Variants in DLG5 observed in about 807,000 individuals in gnomAD.
The protein encoded by DLG5 is disks large homolog 5.
Under a neutral mutation model 189.8 loss-of-function variants are expected in DLG5, and 48 were observed. That is an observed-to-expected ratio of 0.25 (90% CI 0.20 to 0.32). The LOEUF is 0.32. DLG5 is among the 10% of genes least tolerant of loss of function. The probability of loss-of-function intolerance (pLI) is 1.00; values close to 1 mark genes in which losing one functional copy is unlikely to be tolerated. For missense variants in DLG5, 2,160 were observed against 2,544.7 expected, an observed-to-expected ratio of 0.85 and a Z score of 3.25; for synonymous variants, 1,016 against 1,054.1, an observed-to-expected ratio of 0.96 and a Z score of 0.70.
intron 1 of DLG5, among the ~76,000 whole-genome samples, chr10:77,872,802 ATCAAATTTGGAG>A (rs1844955331): frequency 1.3e-5 from 2 of 152,188 alleles, no homozygotes; most frequent in South Asian, 2.1e-4. Context: ...GGGTTTCGCC[ATCAAATTTGGAG>A]TCAAATTTGG....
intron 1 of DLG5, among the ~76,000 whole-genome samples, chr10:77,904,770 A>T (rs1251011292): frequency 1.8e-5 from 1 of 56,370 alleles, no homozygotes; most frequent in Admixed American, 1.4e-4. Context: ...TCTTCCAAAT[A>T]AAAAAAAAAA....
intron 13 of DLG5, among the ~76,000 whole-genome samples, chr10:77,825,561 C>CTT (rs547889590): frequency 6.9e-6 from 1 of 145,486 alleles, no homozygotes; most frequent in Non-Finnish European, 1.5e-5. Flanking sequence ...GTCAAGTTTT[C>CTT]TTTTTTTTTT....
chr10:77,846,286 G>A (rs1020999408), intron 5 of DLG5, among the ~76,000 whole-genome samples: 7 of 152,196 alleles, frequency 4.6e-5, no homozygotes, highest in African/African-American at 1.7e-4. Flanking sequence ...ACTATACTGG[G>A]TCAGTGAAGG....
chr10:77,864,540 T>C (rs1042140254), intron 2 of DLG5, among the ~76,000 whole-genome samples: 24 of 152,180 alleles, frequency 1.6e-4, no homozygotes. Flanking sequence ...GCACCTAAGC[T>C]TCACTAGAGA....
At chr10:77,829,907 C>T (rs1210847272) in intron 11 of DLG5, among the ~76,000 whole-genome samples, 1 of 152,232 alleles carries the variant, frequency 6.6e-6, no homozygotes, top group East Asian at 1.9e-4. Context: ...ATTTTATCAT[C>T]ATGACTATTT....
intron 1 of DLG5, among the ~76,000 whole-genome samples, chr10:77,903,025 C>T (rs967318671): frequency 6.6e-6 from 1 of 152,238 alleles, no homozygotes; most frequent in Admixed American, 6.5e-5. Context: ...GCTCCAGAAT[C>T]CCAAACTTTC....
chr10:77,798,959 A>T (rs1841066583), intron 27 of DLG5, among the ~76,000 whole-genome samples: 1 of 152,236 alleles, frequency 6.6e-6, no homozygotes, highest in Admixed American at 6.5e-5. Flanking sequence ...TGTATTAAGT[A>T]AAAAACTGGT....
chr10:77,868,082 G>C (rs1433052549), intron 2 of DLG5: 1 of 456,540 alleles, frequency 2.2e-6, no homozygotes, highest in South Asian at 1.5e-5. Context: ...AGCGCCTTCA[G>C]CCTGCGTGGC....
chr10:77,860,851 A>T (rs905718339), intron 2 of DLG5, among the ~76,000 whole-genome samples: 9 of 152,172 alleles, frequency 5.9e-5, no homozygotes, highest in African/African-American at 2.2e-4. Flanking sequence ...CACTCCAAAG[A>T]GCTCTTGTTC....
chr10:77,799,855 C>T (rs1841111700), intron 27 of DLG5, among the ~76,000 whole-genome samples: 1 of 152,172 alleles, frequency 6.6e-6, no homozygotes. Flanking sequence ...AAGCGATCCT[C>T]TTGCCTCAGC....
At chr10:77,901,476 G>A (rs544485792) in intron 1 of DLG5, among the ~76,000 whole-genome samples, 3 of 152,270 alleles carry the variant, frequency 2.0e-5, no homozygotes, top group South Asian at 4.1e-4. Context: ...GACTAACGCC[G>A]GTGTCAGGAA....
At chr10:77,829,138 G>A (rs1339140310) in intron 12 of DLG5, among the ~76,000 whole-genome samples, 153 bp from the exon 13 acceptor site, 2 of 152,176 alleles carry the variant, frequency 1.3e-5, no homozygotes, top group African/African-American at 2.4e-5. Context: ...CCCACCAATC[G>A]GGGGCTCAGT....
intron 13 of DLG5, among the ~76,000 whole-genome samples, chr10:77,828,034 CAG>C (rs1443221609): frequency 6.6e-6 from 1 of 151,638 alleles, no homozygotes; most frequent in Non-Finnish European, 1.5e-5. Context: ...TTACAACAAA[CAG>C]GACTTACTTT....
At chr10:77,869,403 C>T (rs565063580) in intron 1 of DLG5, 3 of 556,922 alleles carry the variant, frequency 5.4e-6, no homozygotes, top group East Asian at 6.8e-5. Context: ...ACTTTATCGG[C>T]CCCTCCTGCT....
chr10:77,900,752 T>C (rs1420755420), intron 1 of DLG5, among the ~76,000 whole-genome samples: 2 of 152,068 alleles, frequency 1.3e-5, no homozygotes, highest in Non-Finnish European at 2.9e-5. Context: ...CTGACCAACA[T>C]GGTAAAACCC....
At chr10:77,816,757 C>A (rs1842075009) in intron 19 of DLG5, 56 bp from the exon 20 acceptor site, 2 of 1,564,070 alleles carry the variant, frequency 1.3e-6, no homozygotes, top group East Asian at 4.5e-5. Context: ...TCCCCAACAG[C>A]CAAGACCAAG....
In DLG5 at chr10:77,920,789, C is replaced by T. The variant is rs147069886; in HGVS notation, c.304+5428G>A. Reference sequence around the variant, plus strand: ...AGGGGCCTGAGGTCATGTTCAGACCCGTGGGAAAAGCCCACAGCATCGATC... The same window carrying T: ...AGGGGCCTGAGGTCATGTTCAGACCTGTGGGAAAAGCCCACAGCATCGATC... On this transcript the variant is annotated intron_variant, in intron 1 of 31. Coordinates refer to ENST00000372391, the MANE Select transcript of DLG5 (RefSeq NM_004747.4). 3.6e-3 allele frequency among the ~76,000 whole-genome samples: 545 copies of T among 152,290 alleles called. 2 individuals carry two copies. Among genetic ancestry groups the T allele is most frequent in the South Asian group, 0.018 (89 of 4,830 alleles).
At chr10:77,804,550 T>C (rs1015951310) in intron 27 of DLG5, among the ~76,000 whole-genome samples, 4 of 152,180 alleles carry the variant, frequency 2.6e-5, no homozygotes, top group African/African-American at 9.6e-5. Context: ...CCACACCTGA[T>C]TGCCAGGGAG....
intron 24 of DLG5, 152 bp downstream of exon 24, chr10:77,809,395 G>C (rs1841643492): frequency 6.1e-6 from 5 of 823,786 alleles, no homozygotes. Flanking sequence ...GACAGAGCAA[G>C]ACTCTGCCTC....
Sources: allele counts gnomAD v4.1 joint callset (sites outside exome capture counted in the v4.1 genomes callset), GRCh38; gene constraint gnomAD v4.1.1; transcripts MANE v1.5; gene names NCBI Gene and HGNC (gene_info 2026-07-23, HGNC 2026-07-21).